The following PTPRS variants were observed in gnomAD, a reference collection of about 807,000 sequenced individuals.
PTPRS encodes receptor-type tyrosine-protein phosphatase S.
PTPRS carries 63 observed loss-of-function variants against 215.3 expected under a neutral mutation model. The ratio of observed to expected loss-of-function variants is 0.29; its 90% CI spans 0.24 to 0.36. The LOEUF (loss-of-function observed/expected upper bound fraction) is 0.36. PTPRS is among the 10% of genes least tolerant of loss of function. PTPRS has a pLI of 1.00. For synonymous variants in PTPRS, 1,404 were observed against 1,191.4 expected (o/e 1.18, Z -3.68); for missense variants, 2,258 against 2,825.8 (o/e 0.80, Z 4.56).
intron 1 of PTPRS, among the ~76,000 whole-genome samples, chr19:5,289,230 C>T (rs539469155): frequency 3.9e-5 from 6 of 152,210 alleles, no homozygotes; most frequent in South Asian, 4.2e-4. Context: ...AGGTCCTCTG[C>T]GAGGATTTGG....
In PTPRS at chr19:5,211,767, C is replaced by A. The variant is rs370553812; in HGVS notation, c.5057G>T (p.Arg1686Leu). 1.2e-6 allele frequency: 2 copies of A among 1,610,164 alleles called. No homozygotes were observed. The highest frequency in any genetic ancestry group is 1.1e-5 in the South Asian group (1 of 91,012). The change falls in exon 33 of 38, where the codon CGG becomes CTG. Residue 1686 changes from arginine to leucine, a missense_variant and splice_region_variant. Physicochemically the swap from Arg to Leu is moderately radical, Grantham distance 102. This residue lies in a region of PTPRS where 927 missense variants were observed against 1,125.9 expected (regional missense o/e 0.82). Transcript: ENST00000262963. ...CGTGTGGGCCTTGGAGTTAGCCAGC[C>A]GCTGTGGGGAGGAGGAAGCCAGAGG... ...HVTGMELEFK[R>L]LANSKAHTSR... is the part of the protein sequence containing the mutation.
Position 5,293,771 on chromosome 19 carries a change from C to T in PTPRS, c.-94-7537G>A, listed in dbSNP as rs939486687. ...TAGGGGAGAGGTGCGGGCGCAGAGG[C>T]TTCCCTCCCGCTGGGGGTCCAGGGG... is the stretch of plus-strand genomic sequence containing the variant. On this transcript the variant is annotated intron_variant, in intron 1 of 37. Transcript: ENST00000262963. The surrounding 1 kb of genome is among the most constrained non-coding windows in gnomAD (Gnocchi z 8.4). Among the ~76,000 whole-genome samples, 6 of 152,156 alleles carry T rather than the reference C, an allele frequency of 3.9e-5. No homozygotes were observed. Among genetic ancestry groups the T allele is most frequent in the African/African-American group, 1.4e-4 (6 of 41,448 alleles).
At chr19:5,249,441 G>C (rs1341142060) in intron 9 of PTPRS, among the ~76,000 whole-genome samples, 1 of 152,244 alleles carries the variant, frequency 6.6e-6, no homozygotes, top group Non-Finnish European at 1.5e-5. Flanking sequence ...TCATTTTGCA[G>C]ATGAGGGAAC....
intron 5 of PTPRS, among the ~76,000 whole-genome samples, chr19:5,264,457 C>T (rs908526732): frequency 1.9e-4 from 29 of 152,196 alleles, no homozygotes; most frequent in African/African-American, 6.8e-4. Context: ...TGGGCACTGC[C>T]GATACCCACC....
chr19:5,210,124 G>A lies in PTPRS; in HGVS notation c.5487+345C>T, dbSNP rs907424604. 6.6e-5 allele frequency among the ~76,000 whole-genome samples: 10 copies of A among 152,066 alleles called. No homozygotes were observed. The highest frequency in any genetic ancestry group is 4.2e-4 in the South Asian group (2 of 4,812). ...CACCATCTGACTCTCCTTGTCCACCGTCTACCACCCCTCACCCTCAATCCC... is the reference window on the plus strand; with the variant it reads ...CACCATCTGACTCTCCTTGTCCACCATCTACCACCCCTCACCCTCAATCCC... On this transcript the variant is annotated intron_variant, in intron 35 of 37. Coordinates refer to ENST00000262963, the MANE Select transcript of PTPRS (RefSeq NM_002850.4). The surrounding 1 kb of genome is among the most constrained non-coding windows in gnomAD (Gnocchi z 4.5).
chr19:5,260,569 G>A (rs912554651), intron 7 of PTPRS, among the ~76,000 whole-genome samples: 1 of 152,226 alleles, frequency 6.6e-6, no homozygotes, highest in African/African-American at 2.4e-5. Context: ...GAGGGGGAGA[G>A]AGCGCCCCCG....
rs533751192 is a variant in PTPRS at position 5,205,985 on chromosome 19, A to G, written c.*789T>C. Among the ~76,000 whole-genome samples the G allele has an allele frequency of 1.3e-3, 193 of 151,980 alleles. 1 individual carries two copies. The highest frequency in any genetic ancestry group is 2.3e-3 in the Non-Finnish European group (159 of 67,958). ...ATAAAAATGAAACAAAAAGGGGGAA[A>G]AAAAAAGCCAAGAAAGAAAAAAGGA... On this transcript the variant is annotated 3_prime_UTR_variant, in exon 38 of 38. Coordinates refer to ENST00000262963, the MANE Select transcript of PTPRS (RefSeq NM_002850.4).
rs1379393228 is a variant in PTPRS at position 5,222,800 on chromosome 19, G to A, written c.2992C>T (p.Gln998Ter). 1 of 1,598,186 alleles carries A rather than the reference G, an allele frequency of 6.3e-7. No individual in the cohort carries two copies. The highest frequency in any genetic ancestry group is 1.1e-5 in the South Asian group (1 of 90,942). The change falls in exon 18 of 38, where the codon CAG becomes TAG. Residue 998 changes from glutamine to a stop codon, truncating the protein, a stop_gained. Coordinates refer to ENST00000262963, the MANE Select transcript of PTPRS (RefSeq NM_002850.4). LOFTEE classifies it high-confidence loss of function. ...EPGAENALTLQGLKPDTAYDL... is the reference protein window; with the variant it reads ...EPGAENALTL ...TAGGCCGTGTCGGGCTTCAGGCCCTGCAGCGTGAGCGCGTTCTCCGCGCCC... is the reference window on the plus strand; with the variant it reads ...TAGGCCGTGTCGGGCTTCAGGCCCTACAGCGTGAGCGCGTTCTCCGCGCCC...
intron 13 of PTPRS, among the ~76,000 whole-genome samples, chr19:5,232,720 A>G (rs2043119041): frequency 6.6e-6 from 1 of 151,786 alleles, no homozygotes; most frequent in Non-Finnish European, 1.5e-5. Context: ...TGCCAAGGGG[A>G]ATAGCCATAG....
At chr19:5,226,866 A>G (rs72981082) in intron 16 of PTPRS, among the ~76,000 whole-genome samples, 14,338 of 152,232 alleles carry the variant, frequency 0.094, 819 homozygotes, top group Middle Eastern at 0.12. Context: ...GGGTATCTGT[A>G]TGGTTACTGC....
chr19:5,219,694 A>G (rs951798747), intron 22 of PTPRS, among the ~76,000 whole-genome samples: 3 of 152,168 alleles, frequency 2.0e-5, no homozygotes, highest in South Asian at 2.1e-4. Context: ...ACCTTTGCAC[A>G]TGCAAATCCT....
At chr19:5,262,725 G>T (rs552480521) in intron 6 of PTPRS, among the ~76,000 whole-genome samples, 124 of 151,224 alleles carry the variant, frequency 8.2e-4, no homozygotes, top group African/African-American at 3.0e-3. Flanking sequence ...CCTTTGGGTG[G>T]ACTTGTCTCT....
At position 5,205,982 on chromosome 19, in the gene PTPRS, G is replaced by GGAAA. The variant is rs1555729648; in HGVS notation, c.*791_*792insTTTC. Among the ~76,000 whole-genome samples, 1 of 131,998 alleles carries GGAAA rather than the reference G, an allele frequency of 7.6e-6. No homozygotes were observed. The highest frequency in any genetic ancestry group is 2.8e-5 in the African/African-American group (1 of 35,186). 86.6% of individuals were successfully genotyped at this position (131,998 alleles called of 152,430 possible). On this transcript the variant is annotated 3_prime_UTR_variant, in exon 38 of 38. Coordinates refer to ENST00000262963, the MANE Select transcript of PTPRS (RefSeq NM_002850.4). ...TTTATAAAAATGAAACAAAAAGGGG[G>GGAAA]AAAAAAAAAGCCAAGAAAGAAAAAA...
Position 5,238,997 on chromosome 19 carries a change from C to T in PTPRS, c.1771G>A (p.Ala591Thr), listed in dbSNP as rs138765579. The T allele has an allele frequency of 8.7e-5, 141 of 1,613,358 alleles. No individual in the cohort carries two copies. In the Middle Eastern group the frequency reaches 9.9e-4, roughly 11 times the overall value. Residue 591 changes from alanine to threonine, a missense_variant, in exon 13 of 38, where the codon GCC becomes ACC. Physicochemically the swap from Ala to Thr is moderately conservative, Grantham distance 58 (BLOSUM62 0). Coordinates refer to ENST00000262963, the MANE Select transcript of PTPRS (RefSeq NM_002850.4). The part of the protein sequence containing the change: ...VEDLKPNTEY[A>T]FRLAARSPQG... ...GGCGAGCGGGCCGCCAGGCGGAAGG[C>T]GTACTCCGTGTTGGGCTTCAGGTCC...
chr19:5,329,607 T>A (rs572330616), intron 1 of PTPRS, among the ~76,000 whole-genome samples: 9 of 151,000 alleles, frequency 6.0e-5, no homozygotes, highest in African/African-American at 2.2e-4. Context: ...CTACTAAAAA[T>A]ACAAAAAATT....
At chr19:5,310,413 G>A (rs1399366035) in intron 1 of PTPRS, among the ~76,000 whole-genome samples, 1 of 147,056 alleles carries the variant, frequency 6.8e-6, no homozygotes, top group African/African-American at 2.5e-5. Context: ...CGCTTCCCCC[G>A]TTCAAGCAAT....
Position 5,293,960 on chromosome 19 carries a change from CG to C in PTPRS, c.-94-7727del, listed in dbSNP as rs2049040701. ...AGGGAGAGGGAGGGGCAGACCTGTC[CG>C]GGCGGCCAATCCGAGCCAGCGTTGC... On this transcript the variant is annotated intron_variant, in intron 1 of 37. Transcript: ENST00000262963. The surrounding 1 kb of genome is among the most constrained non-coding windows in gnomAD (Gnocchi z 8.4). Among the ~76,000 whole-genome samples, 1 of 152,154 alleles carries C rather than the reference CG, an allele frequency of 6.6e-6. No individual in the cohort carries two copies. Among genetic ancestry groups the C allele is most frequent in the East Asian group, 1.9e-4 (1 of 5,184 alleles).
At chr19:5,269,106 T>C (rs535377531) in intron 4 of PTPRS, among the ~76,000 whole-genome samples, 3 of 152,260 alleles carry the variant, frequency 2.0e-5, no homozygotes, top group East Asian at 3.9e-4. Flanking sequence ...TGTCTATGCA[T>C]GCTCGTGTGC....
At chr19:5,271,001 G>A (rs1256143138) in intron 4 of PTPRS, among the ~76,000 whole-genome samples, 3 of 152,146 alleles carry the variant, frequency 2.0e-5, no homozygotes, top group Non-Finnish European at 4.4e-5. Flanking sequence ...CCAGTTTCAT[G>A]GGACCAGAGT....
Sources: gnomAD v4.1 joint callset for allele counts (sites outside exome capture counted in the v4.1 genomes callset) on GRCh38, gnomAD v4.1.1 for gene constraint, gnomAD v4.1.1 regional missense constraint, Gnocchi (gnomAD v3.1) non-coding constraint, MANE v1.5 for transcripts, NCBI Gene and HGNC (gene_info 2026-07-23, HGNC 2026-07-21) for gene names.